The following CSMD3 variants were observed in gnomAD, a reference collection of about 807,000 sequenced individuals.
CSMD3 encodes the protein CUB and Sushi multiple domains 3, also known as CUB and sushi domain-containing protein 3.
Under a neutral mutation model 435.2 loss-of-function variants are expected in CSMD3, and 177 were observed. The observed-to-expected ratio is 0.41, with a 90% CI of 0.36 to 0.46. The LOEUF (loss-of-function observed/expected upper bound fraction) is 0.46, where lower values mean the gene tolerates loss of function less well. Among genes scored for constraint, CSMD3 ranks in the 20% least tolerant of loss-of-function variants. CSMD3 has a pLI of 0.34. For synonymous variants in CSMD3, 1,656 were observed against 1,520.5 expected (o/e 1.09, Z -2.07); for missense variants, 4,265 against 4,504.6 (o/e 0.95, Z 1.52).
At chr8:112,663,492 G>A (rs1362618010) in intron 17 of CSMD3, among the ~76,000 whole-genome samples, 1 of 124,516 alleles carries the variant, frequency 8.0e-6, no homozygotes, top group African/African-American at 3.0e-5. Flanking sequence ...GTTGTGGGGT[G>A]GGGGGAGGGG....
intron 22 of CSMD3, among the ~76,000 whole-genome samples, chr8:112,605,613 C>A (rs2131439532): frequency 7.1e-6 from 1 of 140,994 alleles, no homozygotes; most frequent in South Asian, 2.5e-4. Flanking sequence ...ACAATAAACA[C>A]AAAGTGAAGG....
chr8:112,552,474 G>T, intron 26 of CSMD3, 120 bp downstream of exon 26: 1 of 1,008,782 alleles, frequency 9.9e-7, no homozygotes, highest in Non-Finnish European at 1.4e-6. Context: ...GTCAGAGCAA[G>T]ACTCTGCCTC....
chr8:112,837,215 G>A (rs1016191975), intron 11 of CSMD3, among the ~76,000 whole-genome samples: 3 of 151,710 alleles, frequency 2.0e-5, no homozygotes, highest in African/African-American at 7.2e-5. Context: ...TCATGGTAAA[G>A]TCTGTATTTG....
At chr8:112,837,117 T>A (rs1410287176) in intron 11 of CSMD3, among the ~76,000 whole-genome samples, 1 of 151,764 alleles carries the variant, frequency 6.6e-6, no homozygotes, top group African/African-American at 2.4e-5. Flanking sequence ...GAGAGACAAT[T>A]TCTGAAACCT....
intron 4 of CSMD3, among the ~76,000 whole-genome samples, chr8:113,158,327 T>C (rs557940827): frequency 2.0e-5 from 3 of 152,136 alleles, no homozygotes; most frequent in Admixed American, 1.3e-4. Context: ...ACCACATATA[T>C]GATAACGGAA....
chr8:112,307,568 C>T (rs1586724996), intron 50 of CSMD3, among the ~76,000 whole-genome samples: 1 of 152,106 alleles, frequency 6.6e-6, no homozygotes, highest in African/African-American at 2.4e-5. Flanking sequence ...CAGGCGTGAA[C>T]CACTGCATCT....
chr8:113,020,501 C>A (rs939155442), intron 5 of CSMD3, among the ~76,000 whole-genome samples: 12 of 151,910 alleles, frequency 7.9e-5, no homozygotes, highest in African/African-American at 1.7e-4. Flanking sequence ...TATATCTAAC[C>A]ATTTAAATTT....
At chr8:113,086,238 G>C (rs1472146275) in intron 5 of CSMD3, among the ~76,000 whole-genome samples, 1 of 146,782 alleles carries the variant, frequency 6.8e-6, no homozygotes, top group African/African-American at 2.5e-5. Flanking sequence ...AACAAAGCGA[G>C]ACTCCGTCAA....
intron 1 of CSMD3, among the ~76,000 whole-genome samples, chr8:113,389,230 T>G (rs968481513): frequency 1.3e-5 from 2 of 151,654 alleles, no homozygotes; most frequent in African/African-American, 4.8e-5. Flanking sequence ...TTAAATTGAA[T>G]ACTTTAAACA....
At chr8:112,623,186 C>T (rs978971023) in intron 22 of CSMD3, among the ~76,000 whole-genome samples, 1 of 151,980 alleles carries the variant, frequency 6.6e-6, no homozygotes, top group African/African-American at 2.4e-5. Context: ...TTGACTATAC[C>T]TACAGTTGAA....
In CSMD3 at chr8:112,337,570, A is replaced by T. The variant is rs1824698859; in HGVS notation, c.6814T>A (p.Trp2272Arg). Reference sequence around the variant, plus strand: ...TCACACCTTGGAAGTGGATGATTCCAATTACGACTGACTCCGTGAAGGCAT... The same window carrying T: ...TCACACCTTGGAAGTGGATGATTCCTATTACGACTGACTCCGTGAAGGCAT... ...LTCLHGVSRNWNHPLPRCEAL... is the reference protein window; with the variant it reads ...LTCLHGVSRNRNHPLPRCEAL... The change falls in exon 43 of 71, where the codon TGG becomes AGG. Residue 2272 changes from tryptophan (W) to arginine (R), a missense_variant. Trp to Arg is a moderately radical substitution (Grantham distance 101, BLOSUM62 -3). Around this residue, in one of 3 missense-constraint regions of CSMD3, gnomAD observed 3,255 missense variants for 3,380.2 expected, o/e 0.96. Coordinates refer to ENST00000297405, the MANE Select transcript of CSMD3 (RefSeq NM_198123.2). 1 of 1,613,740 alleles carries T rather than the reference A, an allele frequency of 6.2e-7. No individual in the cohort carries two copies.
chr8:113,241,272 T>C (rs2093212735), intron 3 of CSMD3, among the ~76,000 whole-genome samples: 1 of 152,088 alleles, frequency 6.6e-6, no homozygotes, highest in Admixed American at 6.6e-5. Context: ...AAAATAAATG[T>C]AGTTTTTGCT....
chr8:113,413,002 G>A (rs1235366533), intron 1 of CSMD3, among the ~76,000 whole-genome samples: 1 of 152,028 alleles, frequency 6.6e-6, no homozygotes, highest in Non-Finnish European at 1.5e-5. Flanking sequence ...AACAGGACAT[G>A]ATAAATTAGC....
intron 7 of CSMD3, among the ~76,000 whole-genome samples, chr8:112,974,990 TTACAGA>T (rs2084793020): frequency 6.6e-6 from 1 of 151,914 alleles, no homozygotes; most frequent in South Asian, 2.1e-4. Flanking sequence ...ATTAATGTTC[TTACAGA>T]TACATATATC....
intron 13 of CSMD3, among the ~76,000 whole-genome samples, chr8:112,783,479 A>AAGGG (rs1210952254): frequency 4.8e-5 from 4 of 82,592 alleles, no homozygotes; most frequent in Middle Eastern, 0.011. Context: ...GGAAGGAAGG[A>AAGGG]AGGGAGAGAA....
intron 10 of CSMD3, among the ~76,000 whole-genome samples, chr8:112,864,154 G>A (rs1396270340): frequency 6.6e-6 from 1 of 152,070 alleles, no homozygotes; most frequent in East Asian, 1.9e-4. Flanking sequence ...ACAATATGCT[G>A]TATTATTTTC....
chr8:113,324,043 G>A (rs1006469650), intron 1 of CSMD3, among the ~76,000 whole-genome samples: 1 of 152,124 alleles, frequency 6.6e-6, no homozygotes, highest in Non-Finnish European at 1.5e-5. Context: ...TAGGATATCT[G>A]GTGGAAGAAA....
In CSMD3 at chr8:112,418,037, C is replaced by T. The variant is rs534383824; in HGVS notation, c.5396-9005G>A. Among the ~76,000 whole-genome samples the T allele has an allele frequency of 5.9e-5, 9 of 152,180 alleles. No homozygotes were observed. The South Asian group carries it at 8.3e-4, about 14-fold the overall frequency. On this transcript the variant is annotated intron_variant, in intron 32 of 70. Transcript: ENST00000297405. ...CCACTTTGTTAAAAATTGTATCACC[C>T]CTGTTTTGCTCAATTTTCATTTTAT...
chr8:113,052,522 T>C (rs574849744), intron 5 of CSMD3, among the ~76,000 whole-genome samples: 27 of 152,326 alleles, frequency 1.8e-4, no homozygotes, highest in African/African-American at 6.5e-4. Flanking sequence ...CCAGGTGTCA[T>C]GGCCCAGCAC....
Sources: gnomAD v4.1 joint callset for allele counts (sites outside exome capture counted in the v4.1 genomes callset) on GRCh38, gnomAD v4.1.1 for gene constraint, gnomAD v4.1.1 regional missense constraint, MANE v1.5 for transcripts, NCBI Gene and HGNC (gene_info 2026-07-23, HGNC 2026-07-21) for gene names.